Variants in OGDH observed in about 807,000 individuals in gnomAD.
OGDH encodes oxoglutarate dehydrogenase, also known as 2-oxoglutarate dehydrogenase complex component E1.
In OGDH, 38 loss-of-function variants were observed where a neutral mutation model predicts 116.6. The ratio of observed to expected loss-of-function variants is 0.33; its 90% confidence interval spans 0.25 to 0.43. The LOEUF is 0.43. OGDH is among the 20% of genes least tolerant of loss of function. The pLI, the probability that OGDH is intolerant of heterozygous loss-of-function variation, is 1.00. For synonymous variants in OGDH, 488 were observed against 533.3 expected, an observed-to-expected ratio of 0.92 and a Z score of 1.17; for missense variants, 825 against 1,357.2, an observed-to-expected ratio of 0.61 and a Z score of 6.16.
intron 1 of OGDH, among the ~76,000 whole-genome samples, chr7:44,616,632 C>T (rs1784779547): frequency 6.7e-6 from 1 of 148,320 alleles, no homozygotes; most frequent in South Asian, 2.1e-4. Flanking sequence ...TATATATACA[C>T]ATGTTTATGT....
rs1018437886 is a variant in OGDH at position 44,704,977 on chromosome 7, C to T, written c.2633-2248C>T. ...CTGCCCACCACAGCCTCCCAAAGTG[C>T]TGGGATTACAGGCGTGAGGCACTGC... is the stretch of plus-strand genomic sequence containing the variant. On this transcript the variant is annotated intron_variant, in intron 20 of 22. Transcript: ENST00000222673. Among the ~76,000 whole-genome samples the T allele has an allele frequency of 3.3e-5, 5 of 151,230 alleles. No homozygotes were observed. In the South Asian group the frequency reaches 1.0e-3, roughly 32 times the overall value.
chr7:44,608,825 G>A (rs1432080332), intron 1 of OGDH, among the ~76,000 whole-genome samples: 1 of 152,044 alleles, frequency 6.6e-6, no homozygotes, highest in African/African-American at 2.4e-5. Context: ...TTTGAAAACA[G>A]TAAAATTTTA....
In OGDH at chr7:44,673,768, G is replaced by A. The variant is rs1787571971; in HGVS notation, c.634-19G>A. The A allele has an allele frequency of 6.2e-7, 1 of 1,613,882 alleles. No homozygotes were observed. Among genetic ancestry groups the A allele is most frequent in the African/African-American group, 1.3e-5 (1 of 74,936 alleles). On this transcript the variant is annotated intron_variant, in intron 5 of 22. Coordinates refer to ENST00000222673, the MANE Select transcript of OGDH (RefSeq NM_002541.4). ...CCTGGTTAGAAATCCCCTTGACTGTGTGTTTCTGTATGGAATAGATGGCCT... is the reference window on the plus strand; with the variant it reads ...CCTGGTTAGAAATCCCCTTGACTGTATGTTTCTGTATGGAATAGATGGCCT...
In OGDH at chr7:44,696,570, G is replaced by A; in HGVS notation, c.1900+13G>A. The A allele has an allele frequency of 6.2e-7, 1 of 1,614,070 alleles. No homozygotes were observed. ...ACTATTCATGGAGGTAACACGCTCTGTGCTGACCTGTGGAAATGTTGGGGC... is the reference window on the plus strand; with the variant it reads ...ACTATTCATGGAGGTAACACGCTCTATGCTGACCTGTGGAAATGTTGGGGC... On this transcript the variant is annotated intron_variant, in intron 14 of 22. Coordinates refer to ENST00000222673, the MANE Select transcript of OGDH (RefSeq NM_002541.4).
chr7:44,668,372 G>A (rs1007630737), intron 5 of OGDH, among the ~76,000 whole-genome samples: 6 of 152,128 alleles, frequency 3.9e-5, no homozygotes, highest in African/African-American at 9.7e-5. Flanking sequence ...GGAGCGGGAG[G>A]TTGCAGTGAG....
rs749736261 is a variant in OGDH at position 44,700,188 on chromosome 7, T to C, written c.2478T>C (p.Asn826=). The change falls in exon 19 of 23, where the codon AAT becomes AAC. Residue 826 remains asparagine (N), a synonymous_variant. Transcript: ENST00000222673. ...NFDINQLYDC[N]WVVVNCSTPG... ...ACATCAATCAGCTATATGACTGCAA[T>C]TGGGTTGTTGTCAACTGCTCCACTC... is the stretch of plus-strand genomic sequence containing the variant. 14 of 1,614,008 alleles carry C rather than the reference T, an allele frequency of 8.7e-6. No homozygotes were observed. Among genetic ancestry groups the C allele is most frequent in the Non-Finnish European group, 1.2e-5 (14 of 1,179,992 alleles).
At chr7:44,689,063 G>C (rs984211284) in intron 10 of OGDH, among the ~76,000 whole-genome samples, 2 of 151,850 alleles carry the variant, frequency 1.3e-5, no homozygotes, top group African/African-American at 4.8e-5. Context: ...GTCTACATAT[G>C]TTTGAATTCC....
chr7:44,696,964 G>A lies in OGDH; in HGVS notation c.1951G>A (p.Val651Met), dbSNP rs999094394. ...TRGEMVKNRT[V>M]DWALAEYMAF... Reference sequence around the variant, plus strand: ...TGGGGAAATGGTGAAGAACCGGACTGTGGACTGGGCTCTAGCGGAGTACAT... The same window carrying A: ...TGGGGAAATGGTGAAGAACCGGACTATGGACTGGGCTCTAGCGGAGTACAT... Residue 651 changes from valine to methionine, a missense_variant, in exon 15 of 23, where the codon GTG becomes ATG. By Grantham distance (21) the Val-to-Met change is conservative. Transcript: ENST00000222673. 1 of 1,614,234 alleles carries A rather than the reference G, an allele frequency of 6.2e-7. No homozygotes were observed. Among genetic ancestry groups the A allele is most frequent in the Non-Finnish European group, 8.5e-7 (1 of 1,180,020 alleles).
In OGDH at chr7:44,647,775, CAG is replaced by C; in HGVS notation, c.517+17_517+18del. ...GACAAACTTGGTGAGGGTCTGAGAG[CAG>C]TCAGCTGCGTTGCTTGAGCTCCTCT... On this transcript the variant is annotated intron_variant, in intron 4 of 22. Coordinates refer to ENST00000222673, the MANE Select transcript of OGDH (RefSeq NM_002541.4). 6.2e-7 allele frequency: 1 copy of C among 1,601,870 alleles called. No homozygotes were observed.
At chr7:44,678,885 C>T (rs1787811144) in intron 9 of OGDH, among the ~76,000 whole-genome samples, 1 of 152,224 alleles carries the variant, frequency 6.6e-6, no homozygotes, top group African/African-American at 2.4e-5. Flanking sequence ...TCTGTAAGTG[C>T]AGCTGAGGTC....
In OGDH at chr7:44,707,710, C is replaced by T. The variant is rs370976149; in HGVS notation, c.2925C>T (p.Thr975=). The change falls in exon 22 of 23, where the codon ACC becomes ACT. Residue 975 remains threonine (T), a synonymous_variant. Transcript: ENST00000222673. The surrounding 1 kb of genome is among the most constrained non-coding windows in gnomAD (Gnocchi z 5.2). The part of the protein sequence containing the change: ...YYDYVKPRLR[T]TISRAKPVWY... Reference sequence around the variant, plus strand: ...ACTACGTGAAGCCAAGACTTCGGACCACCATCAGCCGCGCCAAGCCCGTCT... The same window carrying T: ...ACTACGTGAAGCCAAGACTTCGGACTACCATCAGCCGCGCCAAGCCCGTCT... 14 of 1,614,060 alleles carry T rather than the reference C, an allele frequency of 8.7e-6. No individual in the cohort carries two copies. In the East Asian group the frequency reaches 2.7e-4, roughly 31 times the overall value.
At chr7:44,666,905 A>C in intron 5 of OGDH, 54 bp downstream of exon 5, 1 of 1,103,410 alleles carries the variant, frequency 9.1e-7, no homozygotes, top group Non-Finnish European at 1.3e-6. Flanking sequence ...TTGTATTGGC[A>C]GGATGGCTTT....
intron 1 of OGDH, among the ~76,000 whole-genome samples, chr7:44,616,864 T>TGTGTATATATACAC: frequency 1.2e-5 from 1 of 83,912 alleles, no homozygotes; most frequent in African/African-American, 4.5e-5. Context: ...TATACACATA[T>TGTGTATATATACAC]ATATATACGT....
At position 44,665,632 on chromosome 7, in the gene OGDH, A is replaced by T. The variant is rs544643378; in HGVS notation, c.518-1104A>T. On this transcript the variant is annotated intron_variant, in intron 4 of 22. Transcript: ENST00000222673. Reference sequence around the variant, plus strand: ...GACACTTATGGCTCCTTTTAGTCTTAATTTGGCCAGGAAACAATAAGAACA... The same window carrying T: ...GACACTTATGGCTCCTTTTAGTCTTTATTTGGCCAGGAAACAATAAGAACA... Among the ~76,000 whole-genome samples the T allele has an allele frequency of 9.5e-4, 144 of 152,266 alleles. 2 individuals carry two copies. The highest frequency in any genetic ancestry group is 6.8e-3 in the South Asian group (33 of 4,822).
chr7:44,700,109 C>T, intron 18 of OGDH, 32 bp from the exon 19 acceptor site: 1 of 1,613,006 alleles, frequency 6.2e-7, no homozygotes, highest in Non-Finnish European at 8.5e-7. Context: ...GTGCTGTGTC[C>T]TGGCCTCTGG....
In OGDH at chr7:44,693,993, G is replaced by A; in HGVS notation, c.1504G>A (p.Val502Ile). 2 of 1,612,232 alleles carry A rather than the reference G, an allele frequency of 1.2e-6. No homozygotes were observed. Among genetic ancestry groups the A allele is most frequent in the Non-Finnish European group, 1.7e-6 (2 of 1,178,430 alleles). Reference sequence around the variant, plus strand: ...GAGGAGCACCTTCCACAAGGACGTGGTTGTCGATTTGGTGAGTGACTCTGG... The same window carrying A: ...GAGGAGCACCTTCCACAAGGACGTGATTGTCGATTTGGTGAGTGACTCTGG... ...EWRSTFHKDV[V>I]VDLVCYRRNG... is the part of the protein sequence containing the mutation. Residue 502 changes from valine (V) to isoleucine (I), a missense_variant, in exon 11 of 23, where the codon GTT (valine) becomes ATT (isoleucine). Transcript: ENST00000222673.
At chr7:44,677,440 A>G (rs1156520385) in intron 9 of OGDH, among the ~76,000 whole-genome samples, 1 of 152,168 alleles carries the variant, frequency 6.6e-6, no homozygotes, top group Non-Finnish European at 1.5e-5. Context: ...GGCAGGATTT[A>G]GGGAGGTGGG....
At position 44,696,505 on chromosome 7, in the gene OGDH, C is replaced by T. The variant is rs1562684560; in HGVS notation, c.1848C>T (p.His616=). 6.2e-7 allele frequency: 1 copy of T among 1,614,240 alleles called. No homozygotes were observed. The highest frequency in any genetic ancestry group is 1.3e-5 in the African/African-American group (1 of 75,066). ...STGLTEDILT[H]IGNVASSVPV... is the part of the protein sequence containing the mutation. ...GTCTGACGGAGGATATTCTGACACA[C>T]ATCGGGAATGTGGCTAGTTCTGTGC... The change falls in exon 14 of 23, where the codon CAC becomes CAT. Residue 616 remains histidine, a synonymous_variant. Coordinates refer to ENST00000222673, the MANE Select transcript of OGDH (RefSeq NM_002541.4).
chr7:44,704,685 T>G (rs939682823), intron 20 of OGDH, among the ~76,000 whole-genome samples: 6 of 151,982 alleles, frequency 3.9e-5, no homozygotes, highest in African/African-American at 9.7e-5. Flanking sequence ...TTGGTTTTGG[T>G]TTTGGGTTTG....
Sources: gnomAD v4.1 joint callset for allele counts (sites outside exome capture counted in the v4.1 genomes callset) on GRCh38, gnomAD v4.1.1 for gene constraint, Gnocchi (gnomAD v3.1) non-coding constraint, MANE v1.5 for transcripts, NCBI Gene and HGNC (gene_info 2026-07-23, HGNC 2026-07-21) for gene names.